GPC5: variants seen among roughly 807,000 people sequenced by gnomAD.
The protein encoded by GPC5 is glypican 5, also known as glypican-5.
Under a neutral mutation model 53.9 loss-of-function variants are expected in GPC5, and 47 were observed. The ratio of observed to expected loss-of-function variants is 0.87; its 90% CI spans 0.69 to 1.11. The LOEUF is 1.11. GPC5 is among the 50% of genes most tolerant of loss of function. GPC5 has a pLI of 0.00. For missense variants in GPC5, 748 were observed against 713.1 expected (o/e 1.05, Z -0.56); for synonymous variants, 286 against 263.3 (o/e 1.09, Z -0.84).
chr13:91,444,500 A>G (rs911150555), intron 1 of GPC5, among the ~76,000 whole-genome samples: 1 of 152,280 alleles, frequency 6.6e-6, no homozygotes, highest in East Asian at 1.9e-4. Flanking sequence ...TTTTCTGAAC[A>G]TTTTTATTGA....
chr13:92,333,057 C>G (rs2139237535), intron 7 of GPC5, among the ~76,000 whole-genome samples: 1 of 152,064 alleles, frequency 6.6e-6, no homozygotes, highest in East Asian at 1.9e-4. Flanking sequence ...AGAGTCTCAC[C>G]AGTGAAAACC....
At chr13:92,432,273 T>C (rs546550529) in intron 7 of GPC5, among the ~76,000 whole-genome samples, 190 of 152,286 alleles carry the variant, frequency 1.2e-3, no homozygotes, top group African/African-American at 4.4e-3. Flanking sequence ...ATAAAGCTCT[T>C]TTGTTGAAAC....
chr13:91,505,710 G>A lies in GPC5; in HGVS notation c.325+56788G>A, dbSNP rs190358990. Among the ~76,000 whole-genome samples, 196 of 152,206 alleles carry A rather than the reference G, an allele frequency of 1.3e-3. 1 individual carries two copies. Among genetic ancestry groups the A allele is most frequent in the African/African-American group, 4.1e-3 (172 of 41,552 alleles). On this transcript the variant is annotated intron_variant, in intron 2 of 7. Transcript: ENST00000377067. ...TGTCACTTCTCTGTATTCATTGCCC[G>A]TTTTACTTTTTGTGTCCCTCACTGT...
intron 6 of GPC5, among the ~76,000 whole-genome samples, chr13:91,998,063 G>A (rs1042280335): frequency 5.3e-5 from 8 of 151,944 alleles, no homozygotes; most frequent in African/African-American, 1.9e-4. Flanking sequence ...TTTTTCTATT[G>A]CCTAATCACA....
chr13:92,226,067 A>T (rs576282738), intron 7 of GPC5, among the ~76,000 whole-genome samples: 1 of 152,202 alleles, frequency 6.6e-6, no homozygotes, highest in Non-Finnish European at 1.5e-5. Context: ...TTCTCACAAG[A>T]TCTGATGGCT....
At chr13:91,598,171 G>C (rs1034558413) in intron 2 of GPC5, among the ~76,000 whole-genome samples, 1 of 152,026 alleles carries the variant, frequency 6.6e-6, no homozygotes, top group African/African-American at 2.4e-5. Context: ...CTTAAATTAT[G>C]AATGATGGTA....
intron 7 of GPC5, among the ~76,000 whole-genome samples, chr13:92,602,168 A>C: frequency 6.9e-6 from 1 of 144,456 alleles, no homozygotes; most frequent in East Asian, 2.0e-4. Flanking sequence ...CTATATACAA[A>C]TACACACTAT....
intron 6 of GPC5, among the ~76,000 whole-genome samples, chr13:92,051,593 G>T (rs866662903): frequency 1.3e-5 from 2 of 152,182 alleles, no homozygotes; most frequent in Middle Eastern, 3.4e-3. Context: ...TTTTTGACTC[G>T]TCAGTATCAC....
intron 7 of GPC5, among the ~76,000 whole-genome samples, chr13:92,498,144 A>G (rs1880044642): frequency 6.6e-6 from 1 of 152,124 alleles, no homozygotes; most frequent in South Asian, 2.1e-4. Flanking sequence ...AATGAAAGGA[A>G]CTAAAGTACA....
intron 7 of GPC5, among the ~76,000 whole-genome samples, chr13:92,470,487 A>T (rs1878866154): frequency 6.6e-6 from 1 of 152,100 alleles, no homozygotes; most frequent in African/African-American, 2.4e-5. Flanking sequence ...TTATTTGAAC[A>T]TGAGTTTAGA....
At chr13:92,651,955 A>C (rs2139167416) in intron 7 of GPC5, among the ~76,000 whole-genome samples, 1 of 152,230 alleles carries the variant, frequency 6.6e-6, no homozygotes, top group South Asian at 2.1e-4. Flanking sequence ...ATGTAAAAAA[A>C]AGCAAATTGC....
At chr13:91,673,887 A>G (rs1367405084) in intron 2 of GPC5, among the ~76,000 whole-genome samples, 1 of 152,014 alleles carries the variant, frequency 6.6e-6, no homozygotes, top group Non-Finnish European at 1.5e-5. Flanking sequence ...ATGAGGCCCT[A>G]GTGTTATCAT....
chr13:92,102,359 G>A lies in GPC5; in HGVS notation c.1402-42471G>A, dbSNP rs114410050. On this transcript the variant is annotated intron_variant, in intron 6 of 7. Coordinates refer to ENST00000377067, the MANE Select transcript of GPC5 (RefSeq NM_004466.6). Reference sequence around the variant, plus strand: ...AGTGTGTATTTTTCACTTTCTTAGCGTAGTCTTAGCAGACTGGCCAAGCTG... The same window carrying A: ...AGTGTGTATTTTTCACTTTCTTAGCATAGTCTTAGCAGACTGGCCAAGCTG... Among the ~76,000 whole-genome samples the A allele has an allele frequency of 2.8e-4, 43 of 152,166 alleles. 1 individual carries two copies. The highest frequency in any genetic ancestry group is 6.3e-4 in the African/African-American group (26 of 41,502).
At chr13:91,885,434 TC>T (rs1359962450) in intron 5 of GPC5, among the ~76,000 whole-genome samples, 1 of 152,212 alleles carries the variant, frequency 6.6e-6, no homozygotes, top group Non-Finnish European at 1.5e-5. Context: ...CCTTGTTTCT[TC>T]CCCCTCCCCG....
intron 7 of GPC5, among the ~76,000 whole-genome samples, chr13:92,719,070 TA>T (rs1566382851): frequency 6.6e-6 from 1 of 151,754 alleles, no homozygotes; most frequent in African/African-American, 2.4e-5. Context: ...TAGGTACTCA[TA>T]AAAATTAAAT....
chr13:91,415,767 A>G (rs1216376537), intron 1 of GPC5, among the ~76,000 whole-genome samples: 1 of 151,978 alleles, frequency 6.6e-6, no homozygotes, highest in Admixed American at 6.6e-5. Flanking sequence ...GGGGCTTGTA[A>G]GGAGACTATA....
chr13:92,490,239 A>G (rs966877156), intron 7 of GPC5: 1 of 154,372 alleles, frequency 6.5e-6, no homozygotes, highest in African/African-American at 2.4e-5. Flanking sequence ...GATCCTAAGC[A>G]ATCTCATTAT....
At chr13:92,750,187 A>C (rs770865267) in intron 7 of GPC5, among the ~76,000 whole-genome samples, 11 of 152,164 alleles carry the variant, frequency 7.2e-5, no homozygotes, top group Non-Finnish European at 1.5e-4. Flanking sequence ...CATAAAAGGT[A>C]GAGTCCTATT....
At chr13:91,775,602 G>T (rs576040124) in intron 5 of GPC5, among the ~76,000 whole-genome samples, 1 of 152,192 alleles carries the variant, frequency 6.6e-6, no homozygotes, top group East Asian at 1.9e-4. Flanking sequence ...CTATGGTTTG[G>T]GGCAGGCATT....
Sources: allele counts gnomAD v4.1 joint callset (sites outside exome capture counted in the v4.1 genomes callset), GRCh38; gene constraint gnomAD v4.1.1; transcripts MANE v1.5; gene names NCBI Gene and HGNC (gene_info 2026-07-23, HGNC 2026-07-21).